The following HYDIN variants were observed in gnomAD, a reference collection of about 807,000 sequenced individuals.
The protein encoded by HYDIN is axonemal central pair apparatus protein HYDIN.
HYDIN carries 132 observed loss-of-function variants against 403.9 expected under a neutral mutation model. That is an observed-to-expected ratio of 0.33 (90% CI 0.28 to 0.38). The LOEUF (loss-of-function observed/expected upper bound fraction) is 0.38. Ranked by LOEUF, HYDIN falls within the 10% of genes least tolerant of loss-of-function variation. HYDIN has a pLI of 1.00. For synonymous variants in HYDIN, 1,202 were observed against 1,891.7 expected (o/e 0.64, Z 9.46); for missense variants, 2,827 against 5,009.5 (o/e 0.56, Z 13.15).
At chr16:70,923,388 A>G (rs566532673) in intron 45 of HYDIN, among the ~76,000 whole-genome samples, 129 of 140,808 alleles carry the variant, frequency 9.2e-4, no homozygotes, top group Non-Finnish European at 1.7e-3. Flanking sequence ...GAATTGCTTG[A>G]ACCCGGGAGG....
At chr16:70,951,520 C>T (rs1055343538) in intron 41 of HYDIN, among the ~76,000 whole-genome samples, 2 of 151,886 alleles carry the variant, frequency 1.3e-5, no homozygotes, top group African/African-American at 4.8e-5. Context: ...ACAAGGCCTT[C>T]TCCAACCTCC....
At chr16:71,209,230 T>G (rs1171201915) in intron 1 of HYDIN, among the ~76,000 whole-genome samples, 1 of 150,392 alleles carries the variant, frequency 6.6e-6, no homozygotes. Flanking sequence ...TGATGCAAGG[T>G]TGGTTCAACA....
rs200455187 is a variant in HYDIN at position 70,882,803 on chromosome 16, C to T, written c.10072G>A (p.Gly3358Arg). Residue 3358 changes from glycine to arginine, a missense_variant, in exon 60 of 86, where the codon GGG becomes AGG. By Grantham distance (125) the Gly-to-Arg change is moderately radical. Coordinates refer to ENST00000393567, the MANE Select transcript of HYDIN (RefSeq NM_001270974.2). Reference protein sequence around the residue: ...LHHILQTIESGGLFVEDENKF... With the variant: ...LHHILQTIESRGLFVEDENKF... ...TTCTCATCCTCGACGAACAGCCCCC[C>T]GCTCTCTATGGTCTGCAGGATGTGG... is the stretch of plus-strand genomic sequence containing the variant. 1,826 of 1,506,708 alleles carry T rather than the reference C, an allele frequency of 1.2e-3. No individual in the cohort carries two copies. The highest frequency in any genetic ancestry group is 1.5e-3 in the Non-Finnish European group (1,605 of 1,082,320). The allele number at this position is 1,506,708 out of a possible 1,614,324, so 93.3% of individuals were successfully genotyped here. A position where few individuals can be genotyped will look rare whatever the true frequency, so the allele number is the denominator to read the frequency against.
chr16:71,169,567 T>C (rs80253529), intron 5 of HYDIN, among the ~76,000 whole-genome samples: 5,045 of 152,294 alleles, frequency 0.033, 113 homozygotes, highest in Middle Eastern at 0.058. Context: ...AAGCCAGGCA[T>C]AAGAGGTACA....
At chr16:71,109,093 T>C (rs1046578563) in intron 10 of HYDIN, among the ~76,000 whole-genome samples, 2 of 152,110 alleles carry the variant, frequency 1.3e-5, no homozygotes, top group African/African-American at 4.8e-5. Context: ...TTGATTCATC[T>C]TTGCCATTTA....
chr16:71,156,805 ACTCT>A (rs1338165168), intron 6 of HYDIN, among the ~76,000 whole-genome samples: 1 of 151,866 alleles, frequency 6.6e-6, no homozygotes, highest in Non-Finnish European at 1.5e-5. Context: ...GCTTCTTAAT[ACTCT>A]CTATTTCACC....
At chr16:71,078,920 T>C (rs1194337108) in intron 13 of HYDIN, among the ~76,000 whole-genome samples, 1 of 152,246 alleles carries the variant, frequency 6.6e-6, no homozygotes, top group African/African-American at 2.4e-5. Flanking sequence ...TGGTTGTGAA[T>C]GTGGCCAACA....
chr16:70,906,633 C>A (rs924713728), intron 50 of HYDIN, among the ~76,000 whole-genome samples: 1 of 152,110 alleles, frequency 6.6e-6, no homozygotes, highest in Non-Finnish European at 1.5e-5. Context: ...GCCTGCCCTG[C>A]GCTCCAGGCT....
chr16:71,175,345 T>C (rs947126135), intron 5 of HYDIN, among the ~76,000 whole-genome samples: 1 of 151,568 alleles, frequency 6.6e-6, no homozygotes, highest in African/African-American at 2.4e-5. Flanking sequence ...ACCACTACCA[T>C]CTATACCATC....
intron 78 of HYDIN, among the ~76,000 whole-genome samples, chr16:70,834,970 ATG>A (rs1170464666): frequency 1.5e-5 from 2 of 129,908 alleles, no homozygotes; most frequent in Non-Finnish European, 3.0e-5. Flanking sequence ...ACACACATAT[ATG>A]TGTGTATATA....
chr16:71,062,283 C>G lies in HYDIN; in HGVS notation c.2262G>C (p.Gly754=), dbSNP rs1216880627. The change falls in exon 17 of 86, where the codon GGG becomes GGC. Residue 754 remains glycine, a synonymous_variant. Transcript: ENST00000393567. ...TVLFSSPTPS[G]VISPSSTIHI... ...GGATGGTGCTGCTTGGGGAGATGAC[C>G]CCGCTGGGGGTGGGGCTGGAAAACA... 1.3e-6 allele frequency: 2 copies of G among 1,569,088 alleles called. No homozygotes were observed. The highest frequency in any genetic ancestry group is 1.7e-4 in the Middle Eastern group (1 of 5,982).
chr16:71,222,192 C>T (rs2040834700), intron 1 of HYDIN, among the ~76,000 whole-genome samples: 1 of 151,916 alleles, frequency 6.6e-6, no homozygotes, highest in Non-Finnish European at 1.5e-5. Context: ...ATACACAAGT[C>T]AATAAATGTG....
chr16:71,062,430 T>G, intron 16 of HYDIN, 97 bp from the exon 17 acceptor site: 1 of 970,072 alleles, frequency 1.0e-6, no homozygotes, highest in Non-Finnish European at 1.5e-6. Context: ...CGTAGAGGTG[T>G]TTTAGAAATG....
At chr16:70,834,700 T>C (rs2037251944) in intron 78 of HYDIN, among the ~76,000 whole-genome samples, 1 of 151,808 alleles carries the variant, frequency 6.6e-6, no homozygotes, top group Admixed American at 6.6e-5. Flanking sequence ...ATACAAAAAT[T>C]AGACGGGCTT....
intron 28 of HYDIN, 37 bp downstream of exon 28, chr16:70,985,148 T>C (rs1377426205): frequency 5.6e-6 from 9 of 1,605,512 alleles, no homozygotes; most frequent in East Asian, 2.2e-5. Context: ...GTGGGGCTCG[T>C]AGGTTTGAAT....
intron 23 of HYDIN, among the ~76,000 whole-genome samples, chr16:71,016,440 C>T (rs368959849): frequency 5.3e-5 from 8 of 151,582 alleles, no homozygotes; most frequent in Non-Finnish European, 8.8e-5. Flanking sequence ...CCTGTTAGGA[C>T]GGCTGTTACT....
intron 84 of HYDIN, among the ~76,000 whole-genome samples, chr16:70,816,184 AC>A (rs1179443890): frequency 6.6e-6 from 1 of 152,020 alleles, no homozygotes; most frequent in Non-Finnish European, 1.5e-5. Context: ...ACAAAAAACC[AC>A]CCCACAAAAC....
chr16:70,813,015 C>A (rs1393185158), intron 84 of HYDIN, among the ~76,000 whole-genome samples: 1 of 151,122 alleles, frequency 6.6e-6, no homozygotes, highest in Non-Finnish European at 1.5e-5. Context: ...TGCAGTGTTG[C>A]CATCTCGGCT....
At chr16:71,150,511 A>G (rs1344407421) in intron 7 of HYDIN, among the ~76,000 whole-genome samples, 2 of 152,086 alleles carry the variant, frequency 1.3e-5, no homozygotes, top group African/African-American at 2.4e-5. Flanking sequence ...ATGGGGAAAC[A>G]ATGACACACG....
Sources: allele counts gnomAD v4.1 joint callset (sites outside exome capture counted in the v4.1 genomes callset), GRCh38; gene constraint gnomAD v4.1.1; transcripts MANE v1.5; gene names NCBI Gene and HGNC (gene_info 2026-07-23, HGNC 2026-07-21).